NAV3: variants seen among roughly 807,000 people sequenced by gnomAD.
The protein encoded by NAV3 is neuron navigator 3, also known as pore membrane and/or filament interacting like protein 1.
NAV3 carries 87 observed loss-of-function variants against 244.7 expected under a neutral mutation model. That is an observed-to-expected ratio of 0.36 (90% CI 0.30 to 0.42). NAV3 has a LOEUF of 0.42. Ranked by LOEUF, NAV3 falls within the 20% of genes least tolerant of loss-of-function variation. The pLI, the probability that NAV3 is intolerant of heterozygous loss-of-function variation, is 1.00. For missense variants in NAV3, 2,663 were observed against 2,893.3 expected, an observed-to-expected ratio of 0.92 and a Z score of 1.83; for synonymous variants, 1,126 against 1,042.2, an observed-to-expected ratio of 1.08 and a Z score of -1.55.
intron 4 of NAV3, among the ~76,000 whole-genome samples, chr12:77,966,950 T>C (rs1402810682): frequency 2.0e-5 from 3 of 152,060 alleles, no homozygotes; most frequent in Non-Finnish European, 2.9e-5. Context: ...TTGCAAAAGC[T>C]TGCTACACTT....
intron 2 of NAV3, among the ~76,000 whole-genome samples, chr12:77,758,205 C>A (rs1869280706): frequency 6.6e-6 from 1 of 152,184 alleles, no homozygotes; most frequent in South Asian, 2.1e-4. Flanking sequence ...TCATCACTCT[C>A]TATCCTTTTA....
chr12:78,174,447 A>C (rs448896), intron 24 of NAV3, among the ~76,000 whole-genome samples: 146,004 of 151,826 alleles, frequency 0.96, 70,341 homozygotes, highest in East Asian at 1. Context: ...TAAGGCTGAG[A>C]CTGGCTCCAC....
At chr12:77,720,301 C>A (rs1592615963) in intron 2 of NAV3, among the ~76,000 whole-genome samples, 1 of 152,106 alleles carries the variant, frequency 6.6e-6, no homozygotes, top group African/African-American at 2.4e-5. Context: ...TCACTTTTCC[C>A]AGGCTGTTCA....
intron 3 of NAV3, among the ~76,000 whole-genome samples, chr12:77,957,674 T>G (rs1011599344): frequency 6.6e-6 from 1 of 152,116 alleles, no homozygotes; most frequent in Non-Finnish European, 1.5e-5. Context: ...TATCAGTATT[T>G]TTTTTTTTGA....
At chr12:77,919,649 A>C (rs925325992) in intron 1 of NAV3, among the ~76,000 whole-genome samples, 2 of 152,090 alleles carry the variant, frequency 1.3e-5, no homozygotes, top group African/African-American at 4.8e-5. Context: ...CCATTGAAGG[A>C]CATCTTTATA....
intron 2 of NAV3, among the ~76,000 whole-genome samples, chr12:77,679,082 A>G (rs888986585): frequency 6.6e-6 from 1 of 152,236 alleles, no homozygotes; most frequent in African/African-American, 2.4e-5. Context: ...GGCATAGTCT[A>G]CATTAGTTAC....
chr12:77,620,377 G>C (rs1470104747), intron 2 of NAV3, among the ~76,000 whole-genome samples: 1 of 152,098 alleles, frequency 6.6e-6, no homozygotes, highest in Non-Finnish European at 1.5e-5. Flanking sequence ...AAAAAATGCA[G>C]TTATCCCAGT....
Position 78,064,426 on chromosome 12 carries a change from T to TCTGCCTGC in NAV3, c.2636+5343_2636+5350dup, listed in dbSNP as rs1555273018. ...GTCTGTCTGTCTGTCTGTCTGTCTG[T>TCTGCCTGC]CTGCCTGCCTGCCTGCCTGCCTGCC... is the stretch of plus-strand genomic sequence containing the variant. On this transcript the variant is annotated intron_variant, in intron 12 of 39. Transcript: ENST00000397909. Among the ~76,000 whole-genome samples, 1,127 of 136,256 alleles carry TCTGCCTGC rather than the reference T, an allele frequency of 8.3e-3. 19 individuals are homozygous for TCTGCCTGC. Among genetic ancestry groups the TCTGCCTGC allele is most frequent in the South Asian group, 0.029 (111 of 3,806 alleles). The allele number at this position is 136,256 out of a possible 152,430, so 89.4% of individuals were successfully genotyped here.
At chr12:77,593,773 C>T (rs1342183570) in intron 2 of NAV3, among the ~76,000 whole-genome samples, 1 of 151,752 alleles carries the variant, frequency 6.6e-6, no homozygotes, top group Non-Finnish European at 1.5e-5. Context: ...CACGCCCAGC[C>T]TCTCCCTTGT....
chr12:77,693,119 C>A (rs903424772), intron 2 of NAV3, among the ~76,000 whole-genome samples: 2 of 152,042 alleles, frequency 1.3e-5, no homozygotes, highest in African/African-American at 4.8e-5. Flanking sequence ...GTAGTCAGTG[C>A]CAGTCCATGC....
chr12:78,098,419 T>C (rs2138161787), intron 12 of NAV3, among the ~76,000 whole-genome samples: 1 of 151,988 alleles, frequency 6.6e-6, no homozygotes, highest in Admixed American at 6.5e-5. Context: ...TGGTAATCAC[T>C]AAAAATGCTC....
At chr12:77,647,137 G>A (rs1192853033) in intron 2 of NAV3, among the ~76,000 whole-genome samples, 1 of 151,972 alleles carries the variant, frequency 6.6e-6, no homozygotes, top group African/African-American at 2.4e-5. Context: ...GGTAACGACG[G>A]TAGCAGCAAA....
rs768286049 is a variant in NAV3, at chr12:78,119,363, T to C, written c.3167T>C (p.Ile1056Thr). ...GDEGKKPPSG[I>T]GRSTATSSFG... ...GAAGGGAAAAAGCCCCCCTCAGGCATTGGAAGATCGACTGCCACCAGCTCC... is the reference window on the plus strand; with the variant it reads ...GAAGGGAAAAAGCCCCCCTCAGGCACTGGAAGATCGACTGCCACCAGCTCC... The change falls in exon 15 of 40, where the codon ATT becomes ACT. Residue 1056 changes from isoleucine (I) to threonine (T), a missense_variant. Physicochemically the swap from Ile to Thr is moderately conservative, Grantham distance 89. Around this residue, in one of 6 missense-constraint regions of NAV3, gnomAD observed 1,521 missense variants for 1,497.0 expected, o/e 1.02. Transcript: ENST00000397909. 3 of 1,614,112 alleles carry C rather than the reference T, an allele frequency of 1.9e-6. No homozygotes were observed. Among genetic ancestry groups the C allele is most frequent in the Non-Finnish European group, 2.5e-6 (3 of 1,180,020 alleles).
At chr12:77,733,029 T>C (rs754821949) in intron 2 of NAV3, among the ~76,000 whole-genome samples, 23 of 152,048 alleles carry the variant, frequency 1.5e-4, no homozygotes, top group Admixed American at 1.1e-3. Context: ...GAAGAAGACA[T>C]TGAAGGATTT....
intron 2 of NAV3, among the ~76,000 whole-genome samples, chr12:77,575,801 A>T (rs746476891): frequency 6.6e-6 from 1 of 152,164 alleles, no homozygotes; most frequent in Admixed American, 6.5e-5. Context: ...AAACCAAAGC[A>T]TTTGTCATAG....
At chr12:77,806,767 G>T (rs1297432555) in intron 2 of NAV3, among the ~76,000 whole-genome samples, 1 of 152,150 alleles carries the variant, frequency 6.6e-6, no homozygotes, top group East Asian at 1.9e-4. Flanking sequence ...ACAGTGGGTT[G>T]TTAAATTCTC....
intron 2 of NAV3, among the ~76,000 whole-genome samples, chr12:77,682,150 C>T (rs2137118901): frequency 6.6e-6 from 1 of 152,214 alleles, no homozygotes; most frequent in East Asian, 1.9e-4. Context: ...CCCCACCTCG[C>T]CCCTGGCCAC....
chr12:77,721,396 A>G (rs1341214900), intron 2 of NAV3, among the ~76,000 whole-genome samples: 1 of 152,150 alleles, frequency 6.6e-6, no homozygotes, highest in Non-Finnish European at 1.5e-5. Flanking sequence ...AGCGTATTGA[A>G]AAATCTGGGT....
At chr12:78,096,597 G>C (rs1402734898) in intron 12 of NAV3, among the ~76,000 whole-genome samples, 2 of 152,150 alleles carry the variant, frequency 1.3e-5, no homozygotes, top group Non-Finnish European at 2.9e-5. Flanking sequence ...AGACAAGAGA[G>C]CATGTGCAGG....
Sources: gnomAD v4.1 joint callset for allele counts (sites outside exome capture counted in the v4.1 genomes callset) on GRCh38, gnomAD v4.1.1 for gene constraint, gnomAD v4.1.1 regional missense constraint, MANE v1.5 for transcripts, NCBI Gene and HGNC (gene_info 2026-07-23, HGNC 2026-07-21) for gene names.